The following KIF9 variants were observed in gnomAD, a reference collection of about 807,000 sequenced individuals.
The protein encoded by KIF9 is kinesin family member 9.
In KIF9, 68 loss-of-function variants were observed where a neutral mutation model predicts 94.8. The ratio of observed to expected loss-of-function variants is 0.72; its 90% confidence interval spans 0.59 to 0.88. The LOEUF (loss-of-function observed/expected upper bound fraction) is 0.88. KIF9 is among the 40% of genes least tolerant of loss of function. KIF9 has a pLI of 0.00. For missense variants in KIF9, 882 were observed against 982.5 expected (o/e 0.90, Z 1.37); for synonymous variants, 343 against 362.1 (o/e 0.95, Z 0.60).
intron 9 of KIF9, among the ~76,000 whole-genome samples, chr3:47,260,102 G>T (rs1055563798): frequency 7.7e-6 from 1 of 129,514 alleles, no homozygotes; most frequent in African/African-American, 3.0e-5. Context: ...CTGAGATAGG[G>T]AAAAACCGCC....
At chr3:47,246,316 A>C in intron 12 of KIF9, 64 bp from the exon 13 acceptor site, 4 of 1,382,256 alleles carry the variant, frequency 2.9e-6, no homozygotes, top group Admixed American at 1.9e-5. Flanking sequence ...GGGGGCATCT[A>C]TGTTAGTAGA....
chr3:47,255,733 C>CCACGG (rs1206792913), intron 10 of KIF9, among the ~76,000 whole-genome samples: 1 of 151,164 alleles, frequency 6.6e-6, no homozygotes, highest in African/African-American at 2.4e-5. Context: ...CTCCCTCTCC[C>CCACGG]TCTCCCTCTC....
In KIF9 at chr3:47,230,351, G is replaced by A. The variant is rs148184038; in HGVS notation, c.2323-1649C>T. On this transcript the variant is annotated intron_variant, in intron 20 of 20. Transcript: ENST00000684063. The stretch of plus-strand genomic sequence containing the variant: ...CCAGCACTTTGGAAGGCCCAGGCAG[G>A]AGGATCCCTTGAGTCTAGGAACTGA... Among the ~76,000 whole-genome samples, 3 of 152,214 alleles carry A rather than the reference G, an allele frequency of 2.0e-5. No individual in the cohort carries two copies. In the East Asian group the frequency reaches 5.8e-4, roughly 30 times the overall value.
At position 47,276,129 on chromosome 3, in the gene KIF9, C is replaced by T. The variant is rs1047947024; in HGVS notation, c.94-639G>A. 3.3e-5 allele frequency among the ~76,000 whole-genome samples: 5 copies of T among 152,200 alleles called. No homozygotes were observed. The East Asian group carries it at 9.6e-4, about 29-fold the overall frequency. ...TAGTAGCAGCTGGCTTAGGGACATA[C>T]TGGGTAAGGTCAGTGGTAGATTCCA... On this transcript the variant is annotated intron_variant, in intron 2 of 20. Transcript: ENST00000684063.
chr3:47,260,710 G>A (rs79492808), intron 9 of KIF9, among the ~76,000 whole-genome samples: 18,948 of 152,234 alleles, frequency 0.12, 1,569 homozygotes, highest in East Asian at 0.3. Flanking sequence ...CTGGTCTGTG[G>A]CCACACAGGA....
intron 4 of KIF9, among the ~76,000 whole-genome samples, chr3:47,271,868 G>A (rs529282581): frequency 5.3e-5 from 8 of 152,226 alleles, no homozygotes; most frequent in African/African-American, 1.9e-4. Flanking sequence ...ACACCTGTGA[G>A]CCCAGCACTT....
In KIF9 at chr3:47,265,873, T is replaced by A. The variant is rs1246830424; in HGVS notation, c.773A>T (p.Glu258Val). Residue 258 changes from glutamate to valine, a missense_variant, in exon 8 of 21, where the codon GAG (glutamate) becomes GTG (valine). Physicochemically the swap from Glu to Val is moderately radical, Grantham distance 121. Transcript: ENST00000684063. ...GSERLGKSGS[E>V]GQVLKEATYI... is the part of the protein sequence containing the mutation. ...GGTGGCTTCCTTCAGGACTTGGCCC[T>A]CAGACTACAAAGCAAAGGTCAGTTC... 3 of 1,614,160 alleles carry A rather than the reference T, an allele frequency of 1.9e-6. No individual in the cohort carries two copies. The highest frequency in any genetic ancestry group is 1.7e-5 in the Admixed American group (1 of 60,014).
chr3:47,233,932 A>G (rs575902289), intron 20 of KIF9, among the ~76,000 whole-genome samples: 1 of 152,196 alleles, frequency 6.6e-6, no homozygotes, highest in South Asian at 2.1e-4. Flanking sequence ...TCTACTAAAA[A>G]TACAAAAAAT....
At chr3:47,262,598 A>T (rs567543320) in intron 9 of KIF9, among the ~76,000 whole-genome samples, 15 of 152,094 alleles carry the variant, frequency 9.9e-5, no homozygotes, top group Non-Finnish European at 1.8e-4. Context: ...ATGCCATGAG[A>T]CCAAGAAGTT....
chr3:47,236,403 T>C, intron 18 of KIF9, 40 bp downstream of exon 18: 1 of 1,606,726 alleles, frequency 6.2e-7, no homozygotes, highest in Non-Finnish European at 8.5e-7. Flanking sequence ...CTGAGTCTCC[T>C]TGTACCTCAG....
At chr3:47,233,355 C>CT (rs2107023864) in intron 20 of KIF9, among the ~76,000 whole-genome samples, 1 of 108,302 alleles carries the variant, frequency 9.2e-6, no homozygotes, top group South Asian at 3.1e-4. Flanking sequence ...GAGTGAGACT[C>CT]TGTCTCAAAA....
intron 2 of KIF9, 113 bp from the exon 3 acceptor site, chr3:47,275,603 G>A (rs1701916787): frequency 2.7e-6 from 2 of 747,224 alleles, no homozygotes; most frequent in East Asian, 5.3e-5. Flanking sequence ...TGAACTGTAG[G>A]ATGAATGGGG....
intron 10 of KIF9, 28 bp downstream of exon 10, chr3:47,257,455 G>A (rs912603933): frequency 1.9e-6 from 3 of 1,599,484 alleles, no homozygotes; most frequent in Non-Finnish European, 2.6e-6. Flanking sequence ...CCCCACAGTG[G>A]GACACCTGTC....
intron 20 of KIF9, among the ~76,000 whole-genome samples, chr3:47,233,900 G>C (rs974403521): frequency 6.6e-6 from 1 of 152,090 alleles, no homozygotes; most frequent in African/African-American, 2.4e-5. Context: ...GACCAGCCTG[G>C]CCAACATGGT....
chr3:47,277,573 C>T lies in KIF9; in HGVS notation c.-5-194G>A, dbSNP rs979683130. On this transcript the variant is annotated intron_variant, in intron 1 of 20. Transcript: ENST00000684063. ...CACAAGACACTGCTCAACAAATACA[C>T]GCACTTTCTGCTTCACAGACTGCTT... Among the ~76,000 whole-genome samples, 6 of 152,152 alleles carry T rather than the reference C, an allele frequency of 3.9e-5. No individual in the cohort carries two copies. In the South Asian group the frequency reaches 8.3e-4, roughly 21 times the overall value.
At chr3:47,275,681 G>A (rs779251542) in intron 2 of KIF9, among the ~76,000 whole-genome samples, 191 bp from the exon 3 acceptor site, 2 of 152,222 alleles carry the variant, frequency 1.3e-5, no homozygotes, top group Non-Finnish European at 2.9e-5. Context: ...CCTGCAGGGA[G>A]ATGGAAAGAT....
intron 8 of KIF9, 135 bp from the exon 9 acceptor site, chr3:47,264,485 G>A (rs1701175568): frequency 1.5e-6 from 1 of 654,196 alleles, no homozygotes; most frequent in East Asian, 2.9e-5. Flanking sequence ...CACCCAGGCT[G>A]TAGTGCAGTG....
chr3:47,269,210 C>A (rs537327219), intron 5 of KIF9, among the ~76,000 whole-genome samples: 24 of 152,300 alleles, frequency 1.6e-4, no homozygotes, highest in African/African-American at 5.1e-4. Flanking sequence ...GGCAACACAG[C>A]GAGAACTTGC....
At chr3:47,257,028 C>T (rs2107347372) in intron 10 of KIF9, among the ~76,000 whole-genome samples, 1 of 152,234 alleles carries the variant, frequency 6.6e-6, no homozygotes, top group South Asian at 2.1e-4. Context: ...GGTCCTCTGC[C>T]TAGGAAAACC....
Sources: allele counts gnomAD v4.1 joint callset (sites outside exome capture counted in the v4.1 genomes callset), GRCh38; gene constraint gnomAD v4.1.1; transcripts MANE v1.5; gene names NCBI Gene and HGNC (gene_info 2026-07-23, HGNC 2026-07-21).